Variants in NEFL observed in about 807,000 individuals in gnomAD.
NEFL encodes the protein neurofilament light polypeptide.
NEFL carries 36 observed loss-of-function variants against 51.6 expected under a neutral mutation model. That is an observed-to-expected ratio of 0.70 (90% CI 0.53 to 0.92). The LOEUF (loss-of-function observed/expected upper bound fraction) is 0.92. NEFL is among the 40% of genes least tolerant of loss of function. NEFL has a pLI of 0.00. For missense variants in NEFL, 671 were observed against 722.0 expected, an observed-to-expected ratio of 0.93 and a Z score of 0.81; for synonymous variants, 332 against 302.5, an observed-to-expected ratio of 1.10 and a Z score of -1.01.
rs1278064569 is a variant in NEFL, at chr8:24,951,795, C to A, written c.*1015G>T. 6.6e-6 allele frequency: 1 copy of A among 152,582 alleles called. No individual in the cohort carries two copies. Among genetic ancestry groups the A allele is most frequent in the Non-Finnish European group, 1.5e-5 (1 of 68,024 alleles). 9.5% of individuals were successfully genotyped at this position (152,582 alleles called of 1,614,324 possible). A position where few individuals can be genotyped will look rare whatever the true frequency, so the allele number is the denominator to read the frequency against. On this transcript the variant is annotated 3_prime_UTR_variant, in exon 4 of 4. Transcript: ENST00000610854. ...GCAAATAACCTTTGGTAGTTTTAAT[C>A]CCTTCTCCTGAAATTATATATAGAT...
chr8:24,952,718 T>C lies in NEFL; in HGVS notation c.*92A>G, dbSNP rs143961091. 15 of 1,591,468 alleles carry C rather than the reference T, an allele frequency of 9.4e-6. No individual in the cohort carries two copies. In the East Asian group the frequency reaches 1.3e-4, roughly 14 times the overall value. On this transcript the variant is annotated 3_prime_UTR_variant, in exon 4 of 4. Coordinates refer to ENST00000610854, the MANE Select transcript of NEFL (RefSeq NM_006158.5). ...ACATATATTGACTTTTTAATTCACA[T>C]AGAATCTGGAACTCAACTGGTTGGT... is the stretch of plus-strand genomic sequence containing the variant.
chr8:24,954,084 A>T (rs576365056), intron 2 of NEFL, 97 bp downstream of exon 2: 188 of 1,519,064 alleles, frequency 1.2e-4, no homozygotes, highest in Admixed American at 2.9e-4. Flanking sequence ...TTTCAAAAGG[A>T]CTATTATTGA....
Position 24,954,256 on chromosome 8 carries a change from A to G in NEFL, c.1094T>C (p.Met365Thr). The change falls in exon 2 of 4, where the codon ATG becomes ACG. Residue 365 changes from methionine (M) to threonine (T), a missense_variant. Transcript: ENST00000610854. ...ENELRTTKSE[M>T]ARYLKEYQDL... ...TTGGTATTCTTTTAGGTATCGTGCC[A>G]TTTCACTCTTTGTGGTCCTCAATTC... 6.2e-7 allele frequency: 1 copy of G among 1,613,674 alleles called. No individual in the cohort carries two copies. Among genetic ancestry groups the G allele is most frequent in the Non-Finnish European group, 8.5e-7 (1 of 1,179,822 alleles).
In NEFL at chr8:24,955,867, T is replaced by C; in HGVS notation, c.649A>G (p.Met217Val). ...TTCTTCAGAAAAGAGATTTCGTCCA[T>C]CAAGCTGTCGATGCGCTTCTCGAGC... is the stretch of plus-strand genomic sequence containing the variant. ...AELEKRIDSL[M>V]DEISFLKKVH... Residue 217 changes from methionine (M) to valine (V), a missense_variant, in exon 1 of 4, where the codon ATG (methionine) becomes GTG (valine). Met to Val is a conservative substitution (Grantham distance 21). Coordinates refer to ENST00000610854, the MANE Select transcript of NEFL (RefSeq NM_006158.5). The surrounding 1 kb of genome is among the most constrained non-coding windows in gnomAD (Gnocchi z 4.0). 1.2e-6 allele frequency: 2 copies of C among 1,608,848 alleles called. No individual in the cohort carries two copies. Among genetic ancestry groups the C allele is most frequent in the South Asian group, 2.2e-5 (2 of 91,086 alleles).
rs747848714 is a variant in NEFL, at chr8:24,956,201, G to C, written c.315C>G (p.Ile105Met). ...GCTGCTCCAGCTCGTGCACGCGCTC[G>C]ATGAAGCTGGCGAAGCGGTCATTGA... The part of the protein sequence containing the change: ...QDLNDRFASF[I>M]ERVHELEQQN... The change falls in exon 1 of 4, where the codon ATC (isoleucine) becomes ATG (methionine). Residue 105 changes from isoleucine (I) to methionine (M), a missense_variant. Coordinates refer to ENST00000610854, the MANE Select transcript of NEFL (RefSeq NM_006158.5). This position sits in a 1 kb window ranked among gnomAD's most constrained non-coding sequence, Gnocchi z 5.9. 6.2e-7 allele frequency: 1 copy of C among 1,610,646 alleles called. No individual in the cohort carries two copies. Among genetic ancestry groups the C allele is most frequent in the South Asian group, 1.1e-5 (1 of 90,194 alleles).
rs1803053939 is a variant in NEFL at position 24,956,250 on chromosome 8, T to G, written c.266A>C (p.Gln89Pro). 6.2e-7 allele frequency: 1 copy of G among 1,612,034 alleles called. No individual in the cohort carries two copies. The change falls in exon 1 of 4, where the codon CAG becomes CCG. Residue 89 changes from glutamine (Q) to proline (P), a missense_variant. By Grantham distance (76) the Gln-to-Pro change is moderately conservative (BLOSUM62 -1). Coordinates refer to ENST00000610854, the MANE Select transcript of NEFL (RefSeq NM_006158.5). The surrounding 1 kb of genome is among the most constrained non-coding windows in gnomAD (Gnocchi z 5.9). ...GAGGTCCTGGAGCTGCGCCTTCTCC[T>G]GCGTGCGGATGGACTTGAGGTCGTT... ...ISNDLKSIRT[Q>P]EKAQLQDLND...
Position 24,956,088 on chromosome 8 carries a change from A to AT in NEFL, c.427dup (p.Ile143AsnfsTer37). On this transcript the variant is annotated frameshift_variant, in exon 1 of 4. Transcript: ENST00000610854. LOFTEE classifies it high-confidence loss of function. The surrounding 1 kb of genome is among the most constrained non-coding windows in gnomAD (Gnocchi z 5.9). ...TTCCGCCGCCAGGCGCAGGTCGCGG[A>AT]TCTCCTGCTCGTACAGCGCCCGGAA... 1 of 1,605,568 alleles carries AT rather than the reference A, an allele frequency of 6.2e-7. No homozygotes were observed. Among genetic ancestry groups the AT allele is most frequent in the African/African-American group, 1.3e-5 (1 of 74,974 alleles).
Position 24,954,255 on chromosome 8 carries a change from C to T in NEFL, c.1095G>A (p.Met365Ile). Residue 365 changes from methionine to isoleucine, a missense_variant, in exon 2 of 4, where the codon ATG becomes ATA. Physicochemically the swap from Met to Ile is conservative, Grantham distance 10. Transcript: ENST00000610854. Reference protein sequence around the residue: ...ENELRTTKSEMARYLKEYQDL... With the variant: ...ENELRTTKSEIARYLKEYQDL... The stretch of plus-strand genomic sequence containing the variant: ...CTTGGTATTCTTTTAGGTATCGTGC[C>T]ATTTCACTCTTTGTGGTCCTCAATT... 5 of 1,613,812 alleles carry T rather than the reference C, an allele frequency of 3.1e-6. No individual in the cohort carries two copies. The highest frequency in any genetic ancestry group is 3.4e-6 in the Non-Finnish European group (4 of 1,179,830).
chr8:24,952,548 C>T lies in NEFL; in HGVS notation c.*262G>A. 1 of 429,856 alleles carries T rather than the reference C, an allele frequency of 2.3e-6. No individual in the cohort carries two copies. The highest frequency in any genetic ancestry group is 5.4e-5 in the South Asian group (1 of 18,538). The allele number at this position is 429,856 out of a possible 1,614,324, so 26.6% of individuals were successfully genotyped here. The stretch of plus-strand genomic sequence containing the variant: ...GTAAACATCTGAATGATTCACATTG[C>T]CGTAGATCCTGAACTCATAAGCGTG... On this transcript the variant is annotated 3_prime_UTR_variant, in exon 4 of 4. Transcript: ENST00000610854.
rs371037868 is a variant in NEFL, at chr8:24,952,845, C to G, written c.1597G>C (p.Ala533Pro). The change falls in exon 4 of 4, where the codon GCT becomes CCT. Residue 533 changes from alanine (A) to proline (P), a missense_variant. Coordinates refer to ENST00000610854, the MANE Select transcript of NEFL (RefSeq NM_006158.5). Reference protein sequence around the residue: ...AEEEEKKVEGAGEEQAAKKKD With the variant: ...AEEEEKKVEGPGEEQAAKKKD ...TTCTTAGCTGCTTGTTCCTCCCCAG[C>G]ACCTTCAACTTTCTTCTCCTCCTCT... is the stretch of plus-strand genomic sequence containing the variant. 25 of 1,612,616 alleles carry G rather than the reference C, an allele frequency of 1.6e-5. No homozygotes were observed. The highest frequency in any genetic ancestry group is 2.5e-6 in the Non-Finnish European group (3 of 1,178,796).
rs2117249587 is a variant in NEFL at position 24,951,848 on chromosome 8, T to C, written c.*962A>G. Reference sequence around the variant, plus strand: ...AAAATTATTCCTTCTTATTGTACCATGTTCTCAGGTTTTAACCTCCTCCCA... The same window carrying C: ...AAAATTATTCCTTCTTATTGTACCACGTTCTCAGGTTTTAACCTCCTCCCA... On this transcript the variant is annotated 3_prime_UTR_variant, in exon 4 of 4. Coordinates refer to ENST00000610854, the MANE Select transcript of NEFL (RefSeq NM_006158.5). The C allele has an allele frequency of 6.5e-6, 1 of 152,746 alleles. No individual in the cohort carries two copies. Among genetic ancestry groups the C allele is most frequent in the Admixed American group, 6.5e-5 (1 of 15,306 alleles). 9.5% of individuals were successfully genotyped at this position (152,746 alleles called of 1,614,324 possible).
In NEFL at chr8:24,955,616, G is replaced by T. The variant is rs771247546; in HGVS notation, c.900C>A (p.Ala300=). 1.9e-6 allele frequency: 3 copies of T among 1,613,696 alleles called. No individual in the cohort carries two copies. The highest frequency in any genetic ancestry group is 1.1e-5 in the South Asian group (1 of 91,078). ...GGCTCTCGGACACCTCGTCCTTGGC[G>T]GCGCGCACGGCGTCGGTGTTCTTGG... The part of the protein sequence containing the change: ...SAAKNTDAVR[A]AKDEVSESRR... Residue 300 remains alanine, a synonymous_variant, in exon 1 of 4, where the codon GCC becomes GCA. Transcript: ENST00000610854. The surrounding 1 kb of genome is among the most constrained non-coding windows in gnomAD (Gnocchi z 4.0).
chr8:24,953,144 C>G (rs879034512), intron 3 of NEFL, among the ~76,000 whole-genome samples, 192 bp from the exon 4 acceptor site: 1 of 152,160 alleles, frequency 6.6e-6, no homozygotes, highest in Non-Finnish European at 1.5e-5. Flanking sequence ...ATATTTAAAT[C>G]GAATGAGATC....
At chr8:24,954,421 T>G in intron 1 of NEFL, 116 bp from the exon 2 acceptor site, 1 of 1,155,066 alleles carries the variant, frequency 8.7e-7, no homozygotes, top group Non-Finnish European at 1.2e-6. Context: ...TGCACACCTT[T>G]GATAAAATCT....
chr8:24,955,951 C>T lies in NEFL; in HGVS notation c.565G>A (p.Glu189Lys). ...TTGCGCGCTTCCATCAGCCGGCCCTCGGCGTCCTCGCGGCTCAGCACCTCC... is the reference window on the plus strand; with the variant it reads ...TTGCGCGCTTCCATCAGCCGGCCCTTGGCGTCCTCGCGGCTCAGCACCTCC... Reference protein sequence around the residue: ...EEEVLSREDAEGRLMEARKGA... With the variant: ...EEEVLSREDAKGRLMEARKGA... Residue 189 changes from glutamate (E) to lysine (K), a missense_variant, in exon 1 of 4, where the codon GAG (glutamate) becomes AAG (lysine). Transcript: ENST00000610854. This position sits in a 1 kb window ranked among gnomAD's most constrained non-coding sequence, Gnocchi z 4.0. 1 of 1,602,840 alleles carries T rather than the reference C, an allele frequency of 6.2e-7. No homozygotes were observed. The highest frequency in any genetic ancestry group is 2.2e-5 in the East Asian group (1 of 44,822).
Position 24,952,953 on chromosome 8 carries a change from C to G in NEFL, c.1490-1G>C. 6.2e-7 allele frequency: 1 copy of G among 1,606,748 alleles called. No homozygotes were observed. The highest frequency in any genetic ancestry group is 1.3e-5 in the African/African-American group (1 of 74,556). On this transcript the variant is annotated splice_acceptor_variant, in intron 3 of 3. Transcript: ENST00000610854. LOFTEE classifies it high-confidence loss of function. ...GCTTCTTCAGACTCTTCCTTGGCAGCTTTAACATAAAAAGAAAATGTACAA... is the reference window on the plus strand; with the variant it reads ...GCTTCTTCAGACTCTTCCTTGGCAGGTTTAACATAAAAAGAAAATGTACAA...
Position 24,952,844 on chromosome 8 carries a change from G to A in NEFL, c.1598C>T (p.Ala533Val). ...CTTCTTAGCTGCTTGTTCCTCCCCAGCACCTTCAACTTTCTTCTCCTCCTC... is the reference window on the plus strand; with the variant it reads ...CTTCTTAGCTGCTTGTTCCTCCCCAACACCTTCAACTTTCTTCTCCTCCTC... ...AEEEEKKVEG[A>V]GEEQAAKKKD The change falls in exon 4 of 4, where the codon GCT (alanine) becomes GTT (valine). Residue 533 changes from alanine to valine, a missense_variant. Coordinates refer to ENST00000610854, the MANE Select transcript of NEFL (RefSeq NM_006158.5). The A allele has an allele frequency of 1.2e-6, 2 of 1,612,184 alleles. No individual in the cohort carries two copies. Among genetic ancestry groups the A allele is most frequent in the Non-Finnish European group, 1.7e-6 (2 of 1,178,386 alleles).
intron 2 of NEFL, 52 bp downstream of exon 2, chr8:24,954,129 T>G: frequency 6.2e-7 from 1 of 1,608,288 alleles, no homozygotes. Context: ...AAATGGGATC[T>G]GATTTTCTTC....
In NEFL at chr8:24,955,283, C is replaced by G; in HGVS notation, c.1044+189G>C. ...GGTGCAGCAGCACGGAGCACACTCC[C>G]AGACTACAGTGGCGCCCGCACTCAC... On this transcript the variant is annotated intron_variant, in intron 1 of 3. Transcript: ENST00000610854. The surrounding 1 kb of genome is among the most constrained non-coding windows in gnomAD (Gnocchi z 4.0). 1 of 622,576 alleles carries G rather than the reference C, an allele frequency of 1.6e-6. No homozygotes were observed. The highest frequency in any genetic ancestry group is 2.8e-6 in the Non-Finnish European group (1 of 360,648). The allele number at this position is 622,576 out of a possible 1,614,324, so 38.6% of individuals were successfully genotyped here.
Sources: allele counts gnomAD v4.1 joint callset (sites outside exome capture counted in the v4.1 genomes callset), GRCh38; gene constraint gnomAD v4.1.1; non-coding constraint Gnocchi (gnomAD v3.1); transcripts MANE v1.5; gene names NCBI Gene and HGNC (gene_info 2026-07-23, HGNC 2026-07-21).